FGF22: variants seen among roughly 807,000 people sequenced by gnomAD.
FGF22 encodes the protein FGF-22.
Under a neutral mutation model 10.3 loss-of-function variants are expected in FGF22, and 11 were observed. The ratio of observed to expected loss-of-function variants is 1.07; its 90% CI spans 0.67 to 1.77. The LOEUF (loss-of-function observed/expected upper bound fraction) is 1.77. FGF22 is among the 40% of genes most tolerant of loss of function. The pLI is 0.00. For synonymous variants in FGF22, 136 were observed against 122.1 expected, an observed-to-expected ratio of 1.11 and a Z score of -0.75; for missense variants, 317 against 273.2, an observed-to-expected ratio of 1.16 and a Z score of -1.13.
rs1985924046 is a variant in FGF22, at chr19:642,215, G to A, written c.215-1020G>A. Among the ~76,000 whole-genome samples the A allele has an allele frequency of 1.7e-5, 2 of 117,184 alleles. 1 individual carries two copies. The highest frequency in any genetic ancestry group is 3.6e-5 in the Non-Finnish European group (2 of 55,804). 76.9% of individuals were successfully genotyped at this position (117,184 alleles called of 152,430 possible). A position where few individuals can be genotyped will look rare whatever the true frequency, so the allele number is the denominator to read the frequency against. On this transcript the variant is annotated intron_variant, in intron 1 of 2. Transcript: ENST00000215530. The stretch of plus-strand genomic sequence containing the variant: ...TGGGCCGGGCAGCTGAGCTGTGAGG[G>A]CCGGGCTGGGGGCTCCATATGGGGT...
intron 1 of FGF22, among the ~76,000 whole-genome samples, chr19:642,986 G>A (rs937798235): frequency 5.4e-5 from 8 of 148,338 alleles, no homozygotes; most frequent in Non-Finnish European, 9.0e-5. Flanking sequence ...CCCCCAGCTC[G>A]TGGGGGCCGT....
At chr19:640,907 G>A (rs553054079) in intron 1 of FGF22, 153 of 304,314 alleles carry the variant, frequency 5.0e-4, no homozygotes, top group African/African-American at 3.0e-3. Context: ...CTTTCATCTG[G>A]GCGCCAAGGC....
At chr19:640,934 G>A (rs11572858) in intron 1 of FGF22, 14,182 of 331,784 alleles carry the variant, frequency 0.043, 345 homozygotes, top group African/African-American at 0.059. Context: ...TAGGCCGCAC[G>A]TGACGAGGGC....
At chr19:641,069 C>T (rs1038008610) in intron 1 of FGF22, 7 of 419,838 alleles carry the variant, frequency 1.7e-5, no homozygotes, top group African/African-American at 1.0e-4. Flanking sequence ...CTCCAAGCCT[C>T]GGTTTCCCCA....
At chr19:642,095 T>C (rs1985920145) in intron 1 of FGF22, among the ~76,000 whole-genome samples, 1 of 152,202 alleles carries the variant, frequency 6.6e-6, no homozygotes, top group Non-Finnish European at 1.5e-5. Flanking sequence ...CAAGCATGTC[T>C]GTGGTGTCCC....
At chr19:643,060 T>C (rs374737950) in intron 1 of FGF22, among the ~76,000 whole-genome samples, 175 bp from the exon 2 acceptor site, 1 of 151,846 alleles carries the variant, frequency 6.6e-6, no homozygotes, top group African/African-American at 2.4e-5. Flanking sequence ...GGGCTCCTGG[T>C]GTCAGTCACG....
At chr19:640,282 A>AGAT (rs1489644797) in intron 1 of FGF22, 143 bp downstream of exon 1, 1 of 474,276 alleles carries the variant, frequency 2.1e-6, no homozygotes, top group Non-Finnish European at 3.4e-6. Flanking sequence ...GTGGTCTGTG[A>AGAT]GATGGGTGCA....
At chr19:642,301 C>T (rs12977219) in intron 1 of FGF22, among the ~76,000 whole-genome samples, 313 of 4,560 alleles carry the variant, frequency 0.069, 37 homozygotes, top group African/African-American at 0.086. Context: ...CTGTGAGGGC[C>T]GGGCTGGGGG....
At chr19:641,705 G>A (rs1326535136) in intron 1 of FGF22, 3 of 180,628 alleles carry the variant, frequency 1.7e-5, no homozygotes, top group Non-Finnish European at 2.4e-5. Flanking sequence ...AAGGGGCCAG[G>A]GGAGATCGTG....
In FGF22 at chr19:643,366, C is replaced by T. The variant is rs199547058; in HGVS notation, c.318+28C>T. 249 of 725,266 alleles carry T rather than the reference C, an allele frequency of 3.4e-4. No homozygotes were observed. The African/African-American group carries it at 3.8e-3, about 11-fold the overall frequency. 44.9% of individuals were successfully genotyped at this position (725,266 alleles called of 1,614,324 possible). The stretch of plus-strand genomic sequence containing the variant: ...GAGTGCCGGGCAGGGCTGGGCGGCG[C>T]GGGCAGGGTGGGGAGGGTGGGCCGG... On this transcript the variant is annotated intron_variant, in intron 2 of 2. Transcript: ENST00000215530.
At chr19:643,729 A>G (rs1985994291) in exon 3 of FGF22, 2 of 853,610 alleles carry the variant, frequency 2.3e-6, no homozygotes, top group East Asian at 2.7e-5. Context: ...CGCTGTGGAC[A>G]CAGCCCAGGA....
chr19:641,151 G>C, intron 1 of FGF22: 1 of 456,376 alleles, frequency 2.2e-6, no homozygotes, highest in Non-Finnish European at 4.4e-6. Flanking sequence ...GTCACTAATC[G>C]GGCACCTTGT....
At chr19:639,955 C>T in exon 1 of FGF22, 1 of 1,250,982 alleles carries the variant, frequency 8.0e-7, no homozygotes, top group Non-Finnish European at 1.0e-6. Context: ...TGGGCCTGGC[C>T]TGGCTGCTGC....
exon 3 of FGF22, chr19:643,419 A>G: frequency 1.2e-6 from 2 of 1,610,924 alleles, no homozygotes; most frequent in Non-Finnish European, 1.7e-6. Flanking sequence ...GCGACTCTAC[A>G]CCGTGGACTG....
At position 643,621 on chromosome 19, in the gene FGF22, C is replaced by T. The variant is rs376843307; in HGVS notation, c.*17C>T. 2.3e-5 allele frequency: 34 copies of T among 1,496,698 alleles called. No homozygotes were observed. The South Asian group carries it at 2.9e-4, about 13-fold the overall frequency. 92.7% of individuals were successfully genotyped at this position (1,496,698 alleles called of 1,614,324 possible). ...GTCTCCTGAGGCCCTGAGAGGCCGG[C>T]GGCTCCCCAAGGTGCCTGGGCTGGT... On this transcript the variant is annotated 3_prime_UTR_variant, in exon 3 of 3. Transcript: ENST00000215530.
chr19:642,920 C>A (rs1189981419), intron 1 of FGF22, among the ~76,000 whole-genome samples: 2 of 152,198 alleles, frequency 1.3e-5, no homozygotes, highest in Non-Finnish European at 2.9e-5. Context: ...TTGGGCTGAG[C>A]TGCAGGGACA....
At chr19:643,099 G>C in intron 1 of FGF22, 136 bp from the exon 2 acceptor site, 2 of 702,952 alleles carry the variant, frequency 2.8e-6, no homozygotes, top group Non-Finnish European at 5.1e-6. Flanking sequence ...TGTCCGTCGT[G>C]GTCGGGAGGG....
At chr19:643,266 C>T (rs770103821) in exon 2 of FGF22, 11 of 1,611,542 alleles carry the variant, frequency 6.8e-6, no homozygotes, top group Non-Finnish European at 9.3e-6. Context: ...TACACGTGGG[C>T]GTCGTGGTCA....
exon 3 of FGF22, chr19:643,856 A>C: frequency 2.1e-6 from 1 of 486,728 alleles, no homozygotes; most frequent in East Asian, 3.5e-5. Context: ...GCAGACGTCG[A>C]AAGGTCGAGG....
Sources: gnomAD v4.1 joint callset for allele counts (sites outside exome capture counted in the v4.1 genomes callset) on GRCh38, gnomAD v4.1.1 for gene constraint, MANE v1.5 for transcripts, NCBI Gene and HGNC (gene_info 2026-07-23, HGNC 2026-07-21) for gene names.